GALNT13: variants seen among roughly 807,000 people sequenced by gnomAD.
GALNT13 encodes polypeptide N-acetylgalactosaminyltransferase 13, also known as UDP-GalNAc:polypeptide N-acetylgalactosaminyltransferase 13.
A neutral mutation model predicts 64.2 loss-of-function variants in GALNT13; 28 were observed. The observed-to-expected ratio is 0.44, with a 90% CI of 0.32 to 0.60. The LOEUF is 0.60. Among genes scored for constraint, GALNT13 ranks in the 20% least tolerant of loss-of-function variants. The probability of loss-of-function intolerance (pLI) is 0.05; values close to 1 mark genes in which losing one functional copy is unlikely to be tolerated. For synonymous variants in GALNT13, 214 were observed against 224.6 expected (o/e 0.95, Z 0.42); for missense variants, 577 against 669.8 (o/e 0.86, Z 1.53).
chr2:153,925,496 A>AG (rs1690063470), intron 2 of GALNT13, among the ~76,000 whole-genome samples: 1 of 118,508 alleles, frequency 8.4e-6, no homozygotes, highest in African/African-American at 3.3e-5. Flanking sequence ...TGAAGCCTCG[A>AG]GCTTTTTTTT....
intron 3 of GALNT13, among the ~76,000 whole-genome samples, chr2:153,987,001 C>T (rs957471626): frequency 2.6e-5 from 4 of 151,836 alleles, no homozygotes; most frequent in East Asian, 3.9e-4. Context: ...ATAAGAGAAG[C>T]GTAAGAGCCA....
At chr2:154,167,797 G>T (rs1321025489) in intron 4 of GALNT13, among the ~76,000 whole-genome samples, 1 of 152,160 alleles carries the variant, frequency 6.6e-6, no homozygotes, top group East Asian at 1.9e-4. Flanking sequence ...GCCTTGCTTG[G>T]GGGGCGAGAA....
At chr2:153,202,078 G>A in the GALNT13 span, among the ~76,000 whole-genome samples, 79 of 147,520 alleles carry the variant, frequency 5.4e-4, 1 homozygote, top group Admixed American at 4.6e-3. Flanking sequence ...TCCGCTTCCC[G>A]GGTTCACGCC....
intron 4 of GALNT13, among the ~76,000 whole-genome samples, chr2:154,202,380 T>A (rs1313516176): frequency 6.6e-6 from 1 of 152,034 alleles, no homozygotes; most frequent in Non-Finnish European, 1.5e-5. Flanking sequence ...TTAGCGTCCT[T>A]GAGATCACAC....
chr2:153,284,362 G>T, the GALNT13 span, among the ~76,000 whole-genome samples: 1 of 152,172 alleles, frequency 6.6e-6, no homozygotes, highest in Non-Finnish European at 1.5e-5. Context: ...TTCTGGCTGT[G>T]GTTCCCCCTG....
At chr2:153,092,523 T>C in the GALNT13 span, among the ~76,000 whole-genome samples, 1 of 152,168 alleles carries the variant, frequency 6.6e-6, no homozygotes, top group Non-Finnish European at 1.5e-5. Flanking sequence ...CTTTCATCAG[T>C]GTTTTATAGT....
chr2:153,446,418 T>A, the GALNT13 span, among the ~76,000 whole-genome samples: 1 of 152,214 alleles, frequency 6.6e-6, no homozygotes, highest in Non-Finnish European at 1.5e-5. Flanking sequence ...ACTAGCCATC[T>A]TTATTTTACA....
At chr2:153,722,891 A>C in the GALNT13 span, among the ~76,000 whole-genome samples, 20 of 151,378 alleles carry the variant, frequency 1.3e-4, no homozygotes, top group Admixed American at 1.2e-3. Context: ...AGGAAATGGT[A>C]CCATTCCTTC....
chr2:153,375,895 T>C, the GALNT13 span, among the ~76,000 whole-genome samples: 1 of 152,150 alleles, frequency 6.6e-6, no homozygotes, highest in Non-Finnish European at 1.5e-5. Flanking sequence ...GGTGCCAGTG[T>C]CTGCTTCTGG....
At chr2:153,276,729 C>A in the GALNT13 span, among the ~76,000 whole-genome samples, 1 of 152,052 alleles carries the variant, frequency 6.6e-6, no homozygotes, top group African/African-American at 2.4e-5. Flanking sequence ...GGATGTTTTG[C>A]CTATTTTTAT....
intron 10 of GALNT13, among the ~76,000 whole-genome samples, chr2:154,405,234 T>C (rs901519077): frequency 3.3e-5 from 5 of 151,774 alleles, no homozygotes; most frequent in African/African-American, 1.2e-4. Flanking sequence ...AATCAAAGAC[T>C]AAATCATTTC....
chr2:153,156,904 T>A, the GALNT13 span, among the ~76,000 whole-genome samples: 2 of 152,182 alleles, frequency 1.3e-5, no homozygotes, highest in African/African-American at 4.8e-5. Context: ...AGGCACGGCA[T>A]TAACTGTTCC....
At chr2:153,865,461 C>G in the GALNT13 span, among the ~76,000 whole-genome samples, 1 of 142,704 alleles carries the variant, frequency 7.0e-6, no homozygotes, top group Non-Finnish European at 1.5e-5. Context: ...AACAAATTTA[C>G]AAGAAAAAAA....
the GALNT13 span, among the ~76,000 whole-genome samples, chr2:153,259,543 T>C: frequency 1.5e-3 from 221 of 152,302 alleles, no homozygotes; most frequent in African/African-American, 5.1e-3. Flanking sequence ...GGGAGAGACC[T>C]AGTGGGAGGT....
At chr2:153,178,073 T>C in the GALNT13 span, among the ~76,000 whole-genome samples, 1 of 152,198 alleles carries the variant, frequency 6.6e-6, no homozygotes, top group Non-Finnish European at 1.5e-5. Context: ...TGGTATTTAA[T>C]TGGGAATATG....
the GALNT13 span, among the ~76,000 whole-genome samples, chr2:153,780,240 T>TATTC: frequency 5.1e-5 from 1 of 19,458 alleles, no homozygotes. Flanking sequence ...TATATATATA[T>TATTC]ATATATATAT....
At chr2:153,739,978 G>GT in the GALNT13 span, among the ~76,000 whole-genome samples, 1 of 151,874 alleles carries the variant, frequency 6.6e-6, no homozygotes, top group East Asian at 1.9e-4. Flanking sequence ...TTGTGGAAAT[G>GT]TTTTTTCTTC....
chr2:153,303,217 T>A, the GALNT13 span, among the ~76,000 whole-genome samples: 4 of 152,230 alleles, frequency 2.6e-5, no homozygotes, highest in South Asian at 4.1e-4. Context: ...CCATTTTTTT[T>A]TATCAGTGTT....
intron 4 of GALNT13, among the ~76,000 whole-genome samples, chr2:154,235,728 G>A (rs1242142018): frequency 6.6e-6 from 1 of 152,124 alleles, no homozygotes; most frequent in Non-Finnish European, 1.5e-5. Context: ...AATGGATTGT[G>A]TCTATCTAAA....
Sources: gnomAD v4.1 joint callset for allele counts (sites outside exome capture counted in the v4.1 genomes callset) on GRCh38, gnomAD v4.1.1 for gene constraint, MANE v1.5 for transcripts, NCBI Gene and HGNC (gene_info 2026-07-23, HGNC 2026-07-21) for gene names.